Variants in PHF2 observed in about 807,000 individuals in gnomAD.
PHF2 encodes the protein PHD finger protein 2.
In PHF2, 27 loss-of-function variants were observed where a neutral mutation model predicts 120.5. The ratio of observed to expected loss-of-function variants is 0.22; its 90% CI spans 0.17 to 0.31. PHF2 has a LOEUF of 0.31. PHF2 is among the 10% of genes least tolerant of loss of function. The pLI, the probability that PHF2 is intolerant of heterozygous loss-of-function variation, is 1.00. For synonymous variants in PHF2, 568 were observed against 592.5 expected (o/e 0.96, Z 0.60); for missense variants, 1,024 against 1,434.8 (o/e 0.71, Z 4.63).
chr9:93,673,578 C>T lies in PHF2; in HGVS notation c.2349-7C>T, dbSNP rs1457336184. The stretch of plus-strand genomic sequence containing the variant: ...TGGGCTGAGTGCCTGTCTCTCTGTG[C>T]CCCTAGCCAGCCCCCGGCCTCCCCC... On this transcript the variant is annotated splice_region_variant and splice_polypyrimidine_tract_variant and intron_variant, in intron 17 of 21. Transcript: ENST00000359246. 1.3e-5 allele frequency: 20 copies of T among 1,553,286 alleles called. No homozygotes were observed. The highest frequency in any genetic ancestry group is 1.7e-5 in the Non-Finnish European group (19 of 1,145,924).
intron 1 of PHF2, among the ~76,000 whole-genome samples, chr9:93,622,824 GC>G (rs1304755983): frequency 6.6e-6 from 1 of 152,160 alleles, no homozygotes; most frequent in Non-Finnish European, 1.5e-5. Context: ...GGGAGTGCTG[GC>G]CCTGCTAACT....
chr9:93,641,406 C>T (rs960685020), intron 3 of PHF2, among the ~76,000 whole-genome samples: 2 of 152,326 alleles, frequency 1.3e-5, no homozygotes, highest in Middle Eastern at 3.4e-3. Context: ...CAGCAGCTTC[C>T]GCTTCAGGTA....
At position 93,677,190 on chromosome 9, in the gene PHF2, C is replaced by G. The variant is rs1826933960; in HGVS notation, c.3202+227C>G. On this transcript the variant is annotated intron_variant, in intron 21 of 21. Transcript: ENST00000359246. This position sits in a 1 kb window ranked among gnomAD's most constrained non-coding sequence, Gnocchi z 4.4. ...TTCTGCTCAGTGGGCGTGCTCAGCC[C>G]CTGATCTGCCTGCACCCCTGCACCC... 6.6e-6 allele frequency among the ~76,000 whole-genome samples: 1 copy of G among 150,610 alleles called. No homozygotes were observed. Among genetic ancestry groups the G allele is most frequent in the African/African-American group, 2.4e-5 (1 of 40,980 alleles).
At chr9:93,610,933 C>T (rs1213686295) in intron 1 of PHF2, among the ~76,000 whole-genome samples, 1 of 152,230 alleles carries the variant, frequency 6.6e-6, no homozygotes, top group Non-Finnish European at 1.5e-5. Flanking sequence ...TCAGTCTCCA[C>T]TCCTGGCTTT....
intron 1 of PHF2, among the ~76,000 whole-genome samples, chr9:93,600,833 C>T (rs1825426510): frequency 6.6e-6 from 1 of 152,226 alleles, no homozygotes; most frequent in Non-Finnish European, 1.5e-5. Flanking sequence ...CAGGCCTGAT[C>T]CTGCTTAGCT....
chr9:93,676,590 A>G lies in PHF2; in HGVS notation c.2833-4A>G. 1 of 1,588,826 alleles carries G rather than the reference A, an allele frequency of 6.3e-7. No individual in the cohort carries two copies. On this transcript the variant is annotated splice_region_variant and splice_polypyrimidine_tract_variant and intron_variant, in intron 20 of 21. Transcript: ENST00000359246. ...TGAGGCTGCCCTGCATGTTTTGTTC[A>G]AAGGAGGAGCAGAAAAGCAAGAAAA...
intron 17 of PHF2, among the ~76,000 whole-genome samples, chr9:93,673,059 C>T (rs1056350014): frequency 4.0e-5 from 6 of 151,774 alleles, no homozygotes; most frequent in East Asian, 1.9e-4. Context: ...CTGGGGAAAG[C>T]GTGTGCCATG....
intron 11 of PHF2, 89 bp downstream of exon 11, chr9:93,659,689 C>A: frequency 8.4e-7 from 1 of 1,191,948 alleles, no homozygotes; most frequent in Non-Finnish European, 1.2e-6. Context: ...CAGCCTAACA[C>A]AGAGCTGCCA....
intron 5 of PHF2, among the ~76,000 whole-genome samples, chr9:93,651,191 G>C (rs962560252): frequency 2.0e-5 from 3 of 151,810 alleles, no homozygotes; most frequent in Non-Finnish European, 2.9e-5. Context: ...TATGGTACCA[G>C]AGAAAGTGGT....
At chr9:93,659,458 G>A in intron 10 of PHF2, 53 bp from the exon 11 acceptor site, 2 of 1,476,932 alleles carry the variant, frequency 1.4e-6, no homozygotes, top group Non-Finnish European at 1.9e-6. Context: ...GCAGGGGTAA[G>A]TCAGGACCAC....
rs555531638 is a variant in PHF2 at position 93,599,396 on chromosome 9, T to C, written c.98+22525T>C. Reference sequence around the variant, plus strand: ...CTCAATTACCACAGGCCAGCTCCTGTTGCTCCAGCAAGCCCAAGAAGTGGG... The same window carrying C: ...CTCAATTACCACAGGCCAGCTCCTGCTGCTCCAGCAAGCCCAAGAAGTGGG... On this transcript the variant is annotated intron_variant, in intron 1 of 21. Transcript: ENST00000359246. Among the ~76,000 whole-genome samples the C allele has an allele frequency of 2.6e-5, 4 of 152,306 alleles. No individual in the cohort carries two copies. In the East Asian group the frequency reaches 5.8e-4, roughly 22 times the overall value.
At chr9:93,627,579 C>G (rs12002044) in intron 1 of PHF2, among the ~76,000 whole-genome samples, 80,806 of 148,806 alleles carry the variant, frequency 0.54, 22,377 homozygotes, top group South Asian at 0.77. Context: ...ATCCTATTTT[C>G]CTCCTCATCT....
rs977488120 is a variant in PHF2, at chr9:93,677,046, A to G, written c.3202+83A>G. On this transcript the variant is annotated intron_variant, in intron 21 of 21. Transcript: ENST00000359246. This position sits in a 1 kb window ranked among gnomAD's most constrained non-coding sequence, Gnocchi z 4.4. ...AGCCCCAGACATGCAGACTCGGCCCATGGTAGAGGGCAGCACATTGGGAGG... is the reference window on the plus strand; with the variant it reads ...AGCCCCAGACATGCAGACTCGGCCCGTGGTAGAGGGCAGCACATTGGGAGG... 5 of 1,400,726 alleles carry G rather than the reference A, an allele frequency of 3.6e-6. No homozygotes were observed. The highest frequency in any genetic ancestry group is 1.5e-5 in the African/African-American group (1 of 68,614). The allele number at this position is 1,400,726 out of a possible 1,614,324, so 86.8% of individuals were successfully genotyped here. A position where few individuals can be genotyped will look rare whatever the true frequency, so the allele number is the denominator to read the frequency against.
chr9:93,667,278 C>G (rs187583139), intron 17 of PHF2, 38 bp downstream of exon 17: 156 of 1,585,882 alleles, frequency 9.8e-5, no homozygotes, highest in Admixed American at 8.8e-4. Context: ...AGAGCGGGGA[C>G]CAGGCAGGCC....
Position 93,576,751 on chromosome 9 carries a change from G to C in PHF2, c.-23G>C, listed in dbSNP as rs775117587. ...ACCCGGGCAGCGCAGCGGCGGGGCC[G>C]AGCGGCGGCGCGGCGCGGCAACATG... On this transcript the variant is annotated 5_prime_UTR_variant, in exon 1 of 22. Transcript: ENST00000359246. The C allele has an allele frequency of 5.2e-6, 6 of 1,157,472 alleles. No individual in the cohort carries two copies. Among genetic ancestry groups the C allele is most frequent in the Non-Finnish European group, 6.6e-6 (6 of 910,758 alleles). The allele number at this position is 1,157,472 out of a possible 1,614,324, so 71.7% of individuals were successfully genotyped here. A position where few individuals can be genotyped will look rare whatever the true frequency, so the allele number is the denominator to read the frequency against.
Position 93,674,988 on chromosome 9 carries a change from G to A in PHF2, c.2688G>A (p.Arg896=), listed in dbSNP as rs778008194. 15 of 1,613,804 alleles carry A rather than the reference G, an allele frequency of 9.3e-6. No homozygotes were observed. In the South Asian group the frequency reaches 1.4e-4, roughly 15 times the overall value. ...NPIFKSRSKK[R]KGSDDAPYSP... is the part of the protein sequence containing the mutation. ...TCTTTAAGTCCCGGTCGAAGAAAAG[G>A]AAAGGCTCAGACGACGCTCCCTACA... Residue 896 remains arginine, a synonymous_variant, in exon 19 of 22, where the codon AGG becomes AGA. Coordinates refer to ENST00000359246, the MANE Select transcript of PHF2 (RefSeq NM_005392.4).
At chr9:93,659,418 C>A in intron 10 of PHF2, 93 bp from the exon 11 acceptor site, 1 of 1,009,726 alleles carries the variant, frequency 9.9e-7, no homozygotes, top group Non-Finnish European at 1.5e-6. Context: ...ATCTGAGTGG[C>A]TCGGCAGTCA....
chr9:93,599,932 T>C (rs1344072006), intron 1 of PHF2, among the ~76,000 whole-genome samples: 3 of 152,186 alleles, frequency 2.0e-5, no homozygotes, highest in African/African-American at 4.8e-5. Context: ...AGTGAAGACT[T>C]TGAGGCCAAG....
Position 93,676,597 on chromosome 9 carries a change from G to A in PHF2, c.2836G>A (p.Glu946Lys), listed in dbSNP as rs1348845277. The A allele has an allele frequency of 6.3e-7, 1 of 1,593,590 alleles. No individual in the cohort carries two copies. Among genetic ancestry groups the A allele is most frequent in the Admixed American group, 1.7e-5 (1 of 59,168 alleles). Residue 946 changes from glutamate (E) to lysine (K), a missense_variant, in exon 21 of 22, where the codon GAG (glutamate) becomes AAG (lysine). Physicochemically the swap from Glu to Lys is moderately conservative, Grantham distance 56. Transcript: ENST00000359246. ...AAAAKLSQQE[E>K]QKSKKKKSAK... is the part of the protein sequence containing the mutation. ...GCCCTGCATGTTTTGTTCAAAGGAG[G>A]AGCAGAAAAGCAAGAAAAAAAAGAG...
Sources: gnomAD v4.1 joint callset for allele counts (sites outside exome capture counted in the v4.1 genomes callset) on GRCh38, gnomAD v4.1.1 for gene constraint, Gnocchi (gnomAD v3.1) non-coding constraint, MANE v1.5 for transcripts, NCBI Gene and HGNC (gene_info 2026-07-23, HGNC 2026-07-21) for gene names.